Variants in CYP4X1 observed in about 807,000 individuals in gnomAD.
CYP4X1 encodes the protein cytochrome P450 4X1.
In CYP4X1, 44 loss-of-function variants were observed where a neutral mutation model predicts 57.9. The ratio of observed to expected loss-of-function variants is 0.76; its 90% CI spans 0.60 to 0.98. The LOEUF is 0.98. Among genes scored for constraint, CYP4X1 ranks in the 50% least tolerant of loss-of-function variants. The pLI is 0.00. For missense variants in CYP4X1, 532 were observed against 623.9 expected (o/e 0.85, Z 1.57); for synonymous variants, 227 against 228.6 (o/e 0.99, Z 0.06).
At chr1:46,990,838 GGAGTT>G in the CYP4X1 span, among the ~76,000 whole-genome samples, 1 of 152,078 alleles carries the variant, frequency 6.6e-6, no homozygotes, top group Admixed American at 6.6e-5. Flanking sequence ...CTCATAAGTG[GGAGTT>G]GAACAATGAG....
chr1:46,963,086 T>G, the CYP4X1 span, among the ~76,000 whole-genome samples: 1 of 152,208 alleles, frequency 6.6e-6, no homozygotes. Flanking sequence ...CCTGCCTTTT[T>G]TTTGTTTTCC....
the CYP4X1 span, among the ~76,000 whole-genome samples, chr1:46,982,562 C>T: frequency 2.4e-3 from 363 of 152,248 alleles, 5 homozygotes; most frequent in African/African-American, 8.4e-3. Flanking sequence ...TTTCAGAGGG[C>T]TGAGGCTTTG....
chr1:47,008,712 T>A, the CYP4X1 span, among the ~76,000 whole-genome samples: 1 of 151,902 alleles, frequency 6.6e-6, no homozygotes, highest in Non-Finnish European at 1.5e-5. Context: ...AGGCTCAAAA[T>A]AAAGGGATGG....
the CYP4X1 span, among the ~76,000 whole-genome samples, chr1:46,983,422 G>T: frequency 6.6e-6 from 1 of 152,218 alleles, no homozygotes; most frequent in East Asian, 1.9e-4. Context: ...AATGATCAGG[G>T]TCTTTGTTTC....
intron 9 of CYP4X1, among the ~76,000 whole-genome samples, 197 bp from the exon 10 acceptor site, chr1:47,048,368 A>G (rs759529594): frequency 1.3e-5 from 2 of 152,196 alleles, no homozygotes; most frequent in Non-Finnish European, 2.9e-5. Flanking sequence ...AATTCAGTAA[A>G]TTGTTGTGTG....
chr1:46,966,811 A>G, the CYP4X1 span, among the ~76,000 whole-genome samples: 2 of 152,258 alleles, frequency 1.3e-5, no homozygotes, highest in African/African-American at 2.4e-5. Flanking sequence ...TTTAAGTTAC[A>G]GAATATTAAA....
chr1:46,994,280 A>G, the CYP4X1 span: 1 of 152,270 alleles, frequency 6.6e-6, no homozygotes, highest in Non-Finnish European at 1.5e-5. Flanking sequence ...ATTCTGTTCC[A>G]TTGGTCTATA....
chr1:46,968,153 T>C, the CYP4X1 span, among the ~76,000 whole-genome samples: 10 of 152,238 alleles, frequency 6.6e-5, no homozygotes, highest in African/African-American at 2.4e-4. Context: ...AGGGGCACTT[T>C]GTGGATGGAT....
the CYP4X1 span, among the ~76,000 whole-genome samples, chr1:47,008,619 A>G: frequency 1.3e-5 from 2 of 152,186 alleles, no homozygotes; most frequent in African/African-American, 4.8e-5. Context: ...ATTAAAAGAC[A>G]CAGACTGGCA....
the CYP4X1 span, among the ~76,000 whole-genome samples, chr1:46,994,784 A>T: frequency 4.6e-5 from 7 of 152,170 alleles, no homozygotes; most frequent in Non-Finnish European, 1.0e-4. Flanking sequence ...ACAAACACCT[A>T]CTATGTGCCA....
chr1:47,046,239 T>C (rs1644300089), intron 8 of CYP4X1, among the ~76,000 whole-genome samples: 1 of 152,212 alleles, frequency 6.6e-6, no homozygotes, highest in African/African-American at 2.4e-5. Flanking sequence ...TACTGCTAGT[T>C]TAGCAGCTCA....
At chr1:46,997,199 T>C in the CYP4X1 span, among the ~76,000 whole-genome samples, 1 of 152,244 alleles carries the variant, frequency 6.6e-6, no homozygotes, top group Non-Finnish European at 1.5e-5. Flanking sequence ...AATTCATCTT[T>C]TTCCTGTGGA....
downstream of CYP4X1, among the ~76,000 whole-genome samples, chr1:47,052,400 T>C (rs926297798): frequency 1.6e-4 from 24 of 152,176 alleles, no homozygotes; most frequent in African/African-American, 5.5e-4. Flanking sequence ...ATACCAACTG[T>C]GCCAAAAATT....
chr1:47,035,911 G>A lies in CYP4X1; in HGVS notation c.598G>A (p.Glu200Lys), dbSNP rs1473972013. The A allele has an allele frequency of 6.2e-7, 1 of 1,613,578 alleles. No homozygotes were observed. Among genetic ancestry groups the A allele is most frequent in the Non-Finnish European group, 8.5e-7 (1 of 1,179,778 alleles). ...DIIMKCAFSK[E>K]TNCQTNSTHD... Reference sequence around the variant, plus strand: ...AATCATGAAATGCGCTTTCAGCAAGGAGACCAACTGCCAGACAAACAGGTC... The same window carrying A: ...AATCATGAAATGCGCTTTCAGCAAGAAGACCAACTGCCAGACAAACAGGTC... The change falls in exon 5 of 12, where the codon GAG becomes AAG. Residue 200 changes from glutamate (E) to lysine (K), a missense_variant. Glu to Lys is a moderately conservative substitution (Grantham distance 56, BLOSUM62 1). Transcript: ENST00000371901.
rs1417440992 is a variant in CYP4X1 at position 47,035,912 on chromosome 1, A to G, written c.599A>G (p.Glu200Gly). 1.9e-6 allele frequency: 3 copies of G among 1,613,666 alleles called. No homozygotes were observed. Among genetic ancestry groups the G allele is most frequent in the Non-Finnish European group, 1.7e-6 (2 of 1,179,808 alleles). The change falls in exon 5 of 12, where the codon GAG becomes GGG. Residue 200 changes from glutamate to glycine, a missense_variant. Glu to Gly is a moderately conservative substitution (Grantham distance 98). Coordinates refer to ENST00000371901, the MANE Select transcript of CYP4X1 (RefSeq NM_178033.2). ...ATCATGAAATGCGCTTTCAGCAAGGAGACCAACTGCCAGACAAACAGGTCA... is the reference window on the plus strand; with the variant it reads ...ATCATGAAATGCGCTTTCAGCAAGGGGACCAACTGCCAGACAAACAGGTCA... ...DIIMKCAFSKETNCQTNSTHD... is the reference protein window; with the variant it reads ...DIIMKCAFSKGTNCQTNSTHD...
the CYP4X1 span, among the ~76,000 whole-genome samples, chr1:46,991,752 T>C: frequency 6.6e-5 from 10 of 152,022 alleles, no homozygotes; most frequent in African/African-American, 2.2e-4. Flanking sequence ...GACAAGCCTG[T>C]TGGAAAGGAA....
chr1:47,002,277 T>C, the CYP4X1 span, among the ~76,000 whole-genome samples: 1 of 152,354 alleles, frequency 6.6e-6, no homozygotes, highest in Non-Finnish European at 1.5e-5. Flanking sequence ...GTAGGCTTAA[T>C]AAACACTTTT....
chr1:46,965,521 C>T, the CYP4X1 span, among the ~76,000 whole-genome samples: 11 of 152,274 alleles, frequency 7.2e-5, no homozygotes, highest in South Asian at 8.3e-4. Context: ...TTTGTTGCTT[C>T]GGTGGGATAC....
chr1:47,009,367 C>A, the CYP4X1 span, among the ~76,000 whole-genome samples: 1,931 of 151,204 alleles, frequency 0.013, 49 homozygotes, highest in African/African-American at 0.045. Context: ...ACCAACGAGA[C>A]CAAAGACACA....
Sources: gnomAD v4.1 joint callset for allele counts (sites outside exome capture counted in the v4.1 genomes callset) on GRCh38, gnomAD v4.1.1 for gene constraint, MANE v1.5 for transcripts, NCBI Gene and HGNC (gene_info 2026-07-23, HGNC 2026-07-21) for gene names.